Variants in COG3 observed in about 807,000 individuals in gnomAD.
COG3 encodes the protein conserved oligomeric Golgi complex subunit 3.
COG3 carries 32 observed loss-of-function variants against 114.1 expected under a neutral mutation model. That is an observed-to-expected ratio of 0.28 (90% CI 0.21 to 0.38). The LOEUF is 0.38. Among genes scored for constraint, COG3 ranks in the 10% least tolerant of loss-of-function variants. The probability of loss-of-function intolerance (pLI) is 1.00; values close to 1 mark genes in which losing one functional copy is unlikely to be tolerated. For missense variants in COG3, 813 were observed against 973.2 expected (o/e 0.84, Z 2.19); for synonymous variants, 352 against 365.7 (o/e 0.96, Z 0.43).
At chr13:45,520,741 G>A (rs1181016799) in intron 19 of COG3, among the ~76,000 whole-genome samples, 1 of 152,190 alleles carries the variant, frequency 6.6e-6, no homozygotes, top group South Asian at 2.1e-4. Context: ...AAAGGAGGGG[G>A]ATAGAAATGC....
intron 4 of COG3, among the ~76,000 whole-genome samples, chr13:45,480,658 T>C (rs1270123326): frequency 1.3e-5 from 2 of 152,160 alleles, no homozygotes; most frequent in African/African-American, 2.4e-5. Flanking sequence ...CTCGGCCTCC[T>C]GGGCTCAAGC....
intron 17 of COG3, among the ~76,000 whole-genome samples, chr13:45,518,072 A>G (rs1871730865): frequency 6.6e-6 from 1 of 152,234 alleles, no homozygotes; most frequent in Non-Finnish European, 1.5e-5. Flanking sequence ...CATTACTACC[A>G]GGGTCAAGGC....
At position 45,465,204 on chromosome 13, in the gene COG3, A is replaced by G; in HGVS notation, c.168A>G (p.Pro56=). 1 of 1,613,398 alleles carries G rather than the reference A, an allele frequency of 6.2e-7. No homozygotes were observed. Among genetic ancestry groups the G allele is most frequent in the Non-Finnish European group, 8.5e-7 (1 of 1,179,796 alleles). Residue 56 remains proline (P), a synonymous_variant, in exon 1 of 23, where the codon CCA becomes CCG. Transcript: ENST00000349995. ...CGGCGGCAGAGAACTTGCCGGTGCC[A>G]GCTGAGGTGAGGTGATGGGCAGGAA... The part of the protein sequence containing the change: ...LKAAAENLPV[P]AELPIEDLCS...
At chr13:45,495,745 C>A (rs1566254293) in intron 12 of COG3, among the ~76,000 whole-genome samples, 1 of 152,094 alleles carries the variant, frequency 6.6e-6, no homozygotes, top group Non-Finnish European at 1.5e-5. Flanking sequence ...TTACTTTTCT[C>A]TGTGAAAATG....
intron 12 of COG3, among the ~76,000 whole-genome samples, chr13:45,495,142 C>T (rs1413507743): frequency 2.5e-5 from 3 of 121,828 alleles, no homozygotes; most frequent in African/African-American, 9.2e-5. Flanking sequence ...CCACGCCTGG[C>T]CTCTTTTTTT....
intron 18 of COG3, 28 bp from the exon 19 acceptor site, chr13:45,518,932 A>T: frequency 6.2e-7 from 1 of 1,613,820 alleles, no homozygotes; most frequent in Non-Finnish European, 8.5e-7. Context: ...ACATAAAAAC[A>T]GGAGGAAATT....
intron 12 of COG3, among the ~76,000 whole-genome samples, chr13:45,495,497 T>TCC (rs981558059): frequency 6.6e-6 from 1 of 152,036 alleles, no homozygotes; most frequent in African/African-American, 2.4e-5. Flanking sequence ...CAGCTCAGCC[T>TCC]CCCAAGTAGG....
Position 45,496,165 on chromosome 13 carries a change from G to T in COG3, c.1341G>T (p.Gly447=), listed in dbSNP as rs1019427416. The T allele has an allele frequency of 6.2e-7, 1 of 1,607,322 alleles. No homozygotes were observed. Among genetic ancestry groups the T allele is most frequent in the South Asian group, 1.1e-5 (1 of 90,262 alleles). Residue 447 remains glycine (G), a synonymous_variant, in exon 13 of 23, where the codon GGG becomes GGT. Coordinates refer to ENST00000349995, the MANE Select transcript of COG3 (RefSeq NM_031431.4). ...CTTTTTTATCAGCTGAGCAACTGGG[G>T]GCATTTGCAGCTGGAGTCAAGCAGA... ...DHVQNNAEQL[G]AFAAGVKQML... is the part of the protein sequence containing the mutation.
chr13:45,473,331 G>A (rs1593673499), intron 1 of COG3, among the ~76,000 whole-genome samples: 1 of 152,088 alleles, frequency 6.6e-6, no homozygotes, highest in South Asian at 2.1e-4. Flanking sequence ...TTATAATCTT[G>A]TGGATTATTT....
Position 45,480,291 on chromosome 13 carries a change from G to A in COG3, c.549+1G>A. 6.3e-7 allele frequency: 1 copy of A among 1,595,320 alleles called. No homozygotes were observed. The highest frequency in any genetic ancestry group is 2.2e-5 in the East Asian group (1 of 44,716). ...CTGTGAACAGCTCCTAAAAGAACAG[G>A]TAATTTGGAGTAAGAGAGAGGATCA... On this transcript the variant is annotated splice_donor_variant, in intron 4 of 22. Transcript: ENST00000349995. LOFTEE classifies it high-confidence loss of function.
intron 14 of COG3, among the ~76,000 whole-genome samples, chr13:45,504,023 A>T (rs1361475089): frequency 2.6e-5 from 4 of 152,116 alleles, no homozygotes; most frequent in African/African-American, 4.8e-5. Flanking sequence ...ATCACCCTGG[A>T]TACTCATTAG....
chr13:45,531,040 C>A (rs1873124233), intron 22 of COG3: 1 of 1,062,842 alleles, frequency 9.4e-7, no homozygotes, highest in Non-Finnish European at 1.1e-6. Flanking sequence ...AAGAGAATGA[C>A]CTGTTTGTAA....
intron 19 of COG3, among the ~76,000 whole-genome samples, chr13:45,520,609 G>A (rs1011586021): frequency 9.2e-5 from 14 of 152,130 alleles, no homozygotes; most frequent in African/African-American, 3.4e-4. Flanking sequence ...GGCCAAAAAT[G>A]CATAGAAATG....
chr13:45,494,211 A>G (rs974492471), intron 12 of COG3, among the ~76,000 whole-genome samples: 13 of 151,572 alleles, frequency 8.6e-5, no homozygotes, highest in Non-Finnish European at 1.3e-4. Flanking sequence ...TATAATCTCA[A>G]CTACTCGGGA....
chr13:45,466,638 T>G (rs763923053), intron 1 of COG3: 18 of 152,224 alleles, frequency 1.2e-4, no homozygotes, highest in Non-Finnish European at 2.2e-4. Flanking sequence ...AATTTTCCAG[T>G]CTGTTTATAA....
chr13:45,479,312 G>T (rs1247765036), intron 3 of COG3, among the ~76,000 whole-genome samples: 2 of 152,204 alleles, frequency 1.3e-5, no homozygotes, highest in Admixed American at 6.5e-5. Context: ...TTAGTTTTTA[G>T]ATAGCTCCAG....
chr13:45,521,955 A>G (rs1257517488), intron 19 of COG3, among the ~76,000 whole-genome samples: 2 of 151,978 alleles, frequency 1.3e-5, no homozygotes, highest in Non-Finnish European at 2.9e-5. Flanking sequence ...GGTGTGTGCC[A>G]CCGTGCCTGG....
intron 22 of COG3, among the ~76,000 whole-genome samples, chr13:45,531,698 G>T (rs1873180088): frequency 6.6e-6 from 1 of 151,948 alleles, no homozygotes; most frequent in African/African-American, 2.4e-5. Flanking sequence ...TAGACAGAGG[G>T]TTTCACCATG....
In COG3 at chr13:45,534,850, G is replaced by A. The variant is rs1248334614; in HGVS notation, c.*119G>A. 17 of 1,372,524 alleles carry A rather than the reference G, an allele frequency of 1.2e-5. No individual in the cohort carries two copies. The highest frequency in any genetic ancestry group is 1.5e-5 in the Non-Finnish European group (16 of 1,066,596). The allele number at this position is 1,372,524 out of a possible 1,614,324, so 85.0% of individuals were successfully genotyped here. On this transcript the variant is annotated 3_prime_UTR_variant, in exon 23 of 23. Transcript: ENST00000349995. ...GAACGTCCCCGAGAACCACACGAGC[G>A]TGCTGCTCAGTGCTGACTGCAGAAT...
Sources: gnomAD v4.1 joint callset for allele counts (sites outside exome capture counted in the v4.1 genomes callset) on GRCh38, gnomAD v4.1.1 for gene constraint, MANE v1.5 for transcripts, NCBI Gene and HGNC (gene_info 2026-07-23, HGNC 2026-07-21) for gene names.